ACOT13: variants seen among roughly 807,000 people sequenced by gnomAD.
ACOT13 encodes the protein acyl-coenzyme A thioesterase 13.
In ACOT13, 10 loss-of-function variants were observed where a neutral mutation model predicts 11.8. The ratio of observed to expected loss-of-function variants is 0.85; its 90% CI spans 0.53 to 1.44. ACOT13 has a LOEUF of 1.44. Among genes scored for constraint, ACOT13 ranks in the 40% most tolerant of loss-of-function variants. ACOT13 has a pLI of 0.00. For synonymous variants in ACOT13, 53 were observed against 61.0 expected (o/e 0.87, Z 0.61); for missense variants, 172 against 174.1 (o/e 0.99, Z 0.07).
At chr6:24,688,808 A>G (rs1041346222) in intron 1 of ACOT13, among the ~76,000 whole-genome samples, 1 of 152,200 alleles carries the variant, frequency 6.6e-6, no homozygotes, top group Admixed American at 6.5e-5. Flanking sequence ...TCATCTTTTT[A>G]TGGCGAGAGA....
intron 1 of ACOT13, among the ~76,000 whole-genome samples, chr6:24,668,379 G>A (rs1778300375): frequency 6.6e-6 from 1 of 152,096 alleles, no homozygotes; most frequent in Admixed American, 6.6e-5. Flanking sequence ...GCGCCACCAA[G>A]CCTGGCTAAT....
At chr6:24,687,860 C>T (rs1033391924) in intron 1 of ACOT13, among the ~76,000 whole-genome samples, 5 of 151,680 alleles carry the variant, frequency 3.3e-5, no homozygotes, top group Non-Finnish European at 5.9e-5. Flanking sequence ...TACAGGCACG[C>T]GCCACCATGC....
chr6:24,699,264 C>T (rs1177671862), intron 2 of ACOT13, among the ~76,000 whole-genome samples: 2 of 138,408 alleles, frequency 1.4e-5, no homozygotes, highest in Non-Finnish European at 3.0e-5. Context: ...GGCTGGAGTG[C>T]AGTGGTGCAG....
At chr6:24,674,354 C>G (rs964342112) in intron 1 of ACOT13, among the ~76,000 whole-genome samples, 7 of 151,824 alleles carry the variant, frequency 4.6e-5, no homozygotes, top group African/African-American at 1.7e-4. Context: ...CTGCCCCTGG[C>G]CTAAATAAGC....
Position 24,701,527 on chromosome 6 carries a change from C to T in ACOT13, c.335C>T (p.Thr112Ile). ...GCACATGTTCTGAAGCAAGGAAAAA[C>T]ACTTGCATTTACCTCTGTGGATCTG... ...ITAHVLKQGK[T>I]LAFTSVDLTN... Residue 112 changes from threonine to isoleucine, a missense_variant, in exon 3 of 3, where the codon ACA (threonine) becomes ATA (isoleucine). Thr to Ile is a moderately conservative substitution (Grantham distance 89). Coordinates refer to ENST00000230048, the MANE Select transcript of ACOT13 (RefSeq NM_018473.4). 6.2e-7 allele frequency: 1 copy of T among 1,613,912 alleles called. No homozygotes were observed. Among genetic ancestry groups the T allele is most frequent in the South Asian group, 1.1e-5 (1 of 91,072 alleles).
chr6:24,667,336 TTGGGAAAGGTA>T lies in ACOT13; in HGVS notation c.81+4_81+14del, dbSNP rs758352973. The T allele has an allele frequency of 6.2e-6, 10 of 1,613,920 alleles. No homozygotes were observed. The highest frequency in any genetic ancestry group is 1.7e-5 in the Admixed American group (1 of 59,986). Reference sequence around the variant, plus strand: ...CAAGGCTCGCAATTTTGAGAGAGTTTTGGGAAAGGTATGGGAAAGGTAGGGGAGAAGCCGTG... The same window carrying T: ...CAAGGCTCGCAATTTTGAGAGAGTTTTGGGAAAGGTAGGGGAGAAGCCGTG... On this transcript the variant is annotated splice_donor_variant and splice_donor_region_variant and coding_sequence_variant and intron_variant, in exon 1 of 3. Coordinates refer to ENST00000230048, the MANE Select transcript of ACOT13 (RefSeq NM_018473.4). LOFTEE classifies it high-confidence loss of function.
At position 24,701,426 on chromosome 6, in the gene ACOT13, A is replaced by G. The variant is rs1207669961; in HGVS notation, c.267-33A>G. ...CACACAACTTTCCCTTTGAAAAATTATCTGCTGTTAACTATATTCATTTTC... is the reference window on the plus strand; with the variant it reads ...CACACAACTTTCCCTTTGAAAAATTGTCTGCTGTTAACTATATTCATTTTC... On this transcript the variant is annotated intron_variant, in intron 2 of 2. Transcript: ENST00000230048. 1.9e-6 allele frequency: 3 copies of G among 1,572,050 alleles called. No homozygotes were observed. The South Asian group carries it at 3.5e-5, about 18-fold the overall frequency.
chr6:24,685,380 TCTGTTGCCCAGG>T (rs1778613453), intron 1 of ACOT13, among the ~76,000 whole-genome samples: 1 of 144,306 alleles, frequency 6.9e-6, no homozygotes, highest in Non-Finnish European at 1.5e-5. Flanking sequence ...AGAGTCTTGC[TCTGTTGCCCAGG>T]CTGGAGTGCA....
At chr6:24,687,308 T>C in intron 1 of ACOT13, 2 of 430,244 alleles carry the variant, frequency 4.6e-6, no homozygotes, top group Non-Finnish European at 6.4e-6. Context: ...GTTGTATCCC[T>C]TTTACATATT....
intron 1 of ACOT13, among the ~76,000 whole-genome samples, chr6:24,692,757 C>T (rs1376444781): frequency 2.0e-5 from 3 of 152,106 alleles, no homozygotes; most frequent in Admixed American, 6.6e-5. Flanking sequence ...TTTACAAAAC[C>T]CTATAAGGGC....
At chr6:24,698,271 A>G (rs1778831728) in intron 2 of ACOT13, among the ~76,000 whole-genome samples, 1 of 152,366 alleles carries the variant, frequency 6.6e-6, no homozygotes, top group South Asian at 2.1e-4. Context: ...GTGTGTATCA[A>G]TAGTAAAAAG....
At chr6:24,693,364 T>C (rs1336961187) in intron 1 of ACOT13, among the ~76,000 whole-genome samples, 2 of 152,218 alleles carry the variant, frequency 1.3e-5, no homozygotes, top group Non-Finnish European at 2.9e-5. Flanking sequence ...TACATTCCTT[T>C]ATCTGTTTAG....
At chr6:24,676,646 TATAC>T (rs748500045) in intron 1 of ACOT13, among the ~76,000 whole-genome samples, 10 of 152,300 alleles carry the variant, frequency 6.6e-5, no homozygotes, top group South Asian at 4.1e-4. Flanking sequence ...GTTTTCTAAA[TATAC>T]AATCATGTCA....
chr6:24,667,623 A>C (rs1376699518), intron 1 of ACOT13, among the ~76,000 whole-genome samples: 1 of 152,210 alleles, frequency 6.6e-6, no homozygotes, highest in African/African-American at 2.4e-5. Context: ...CCTTCAACCA[A>C]CAAACGTCTG....
chr6:24,696,190 G>A (rs985701970), intron 1 of ACOT13, among the ~76,000 whole-genome samples: 6 of 152,058 alleles, frequency 3.9e-5, no homozygotes, highest in African/African-American at 7.2e-5. Context: ...GTTTTATATC[G>A]CGTGGTTCTG....
chr6:24,671,601 T>TA (rs1778367061), intron 1 of ACOT13, among the ~76,000 whole-genome samples: 2 of 152,060 alleles, frequency 1.3e-5, no homozygotes, highest in African/African-American at 4.8e-5. Context: ...CCCTAGAACT[T>TA]AAAGTATAAT....
At position 24,701,674 on chromosome 6, in the gene ACOT13, C is replaced by CTTT. The variant is rs1778895380; in HGVS notation, c.*59_*60insTTT. 8 of 1,459,850 alleles carry CTTT rather than the reference C, an allele frequency of 5.5e-6. No homozygotes were observed. In the East Asian group the frequency reaches 1.9e-4, roughly 35 times the overall value. The allele number at this position is 1,459,850 out of a possible 1,614,324, so 90.4% of individuals were successfully genotyped here. On this transcript the variant is annotated 3_prime_UTR_variant, in exon 3 of 3. Transcript: ENST00000230048. ...ATGAATATCAAGTATAGATTTGACT[C>CTTT]AAACAATTGTAATTTTTGAAATAAA...
intron 1 of ACOT13, among the ~76,000 whole-genome samples, chr6:24,675,503 T>C (rs1315634449): frequency 6.6e-6 from 1 of 152,278 alleles, no homozygotes; most frequent in East Asian, 1.9e-4. Flanking sequence ...TTTTTTCATG[T>C]ATCTGTTGGC....
chr6:24,688,666 A>G (rs968514674), intron 1 of ACOT13, among the ~76,000 whole-genome samples: 4 of 152,212 alleles, frequency 2.6e-5, no homozygotes, highest in Admixed American at 2.6e-4. Context: ...TCACATCTTA[A>G]AAATGACTTA....
Sources: gnomAD v4.1 joint callset for allele counts (sites outside exome capture counted in the v4.1 genomes callset) on GRCh38, gnomAD v4.1.1 for gene constraint, MANE v1.5 for transcripts, NCBI Gene and HGNC (gene_info 2026-07-23, HGNC 2026-07-21) for gene names.